The following GCA variants were observed in gnomAD, a reference collection of about 807,000 sequenced individuals.
GCA encodes grancalcin.
GCA carries 30 observed loss-of-function variants against 32.6 expected under a neutral mutation model. That is an observed-to-expected ratio of 0.92 (90% CI 0.69 to 1.25). The LOEUF is 1.25. Among genes scored for constraint, GCA ranks in the 50% most tolerant of loss-of-function variants. GCA has a pLI of 0.00. For missense variants in GCA, 291 were observed against 266.8 expected, an observed-to-expected ratio of 1.09 and a Z score of -0.63; for synonymous variants, 102 against 84.6, an observed-to-expected ratio of 1.21 and a Z score of -1.13.
intron 4 of GCA, chr2:162,371,262 A>G (rs1685933307): frequency 2.9e-6 from 3 of 1,044,416 alleles, no homozygotes; most frequent in Non-Finnish European, 2.6e-6. Flanking sequence ...GGCTTCCTAT[A>G]CTGTCAGAGG....
At chr2:162,350,203 T>C (rs139047477) in intron 2 of GCA, among the ~76,000 whole-genome samples, 1 of 152,198 alleles carries the variant, frequency 6.6e-6, no homozygotes, top group Non-Finnish European at 1.5e-5. Flanking sequence ...AAAGCCTTAC[T>C]GGGAGCAAGC....
chr2:162,321,442 C>A (rs1683661058), intron 1 of GCA, among the ~76,000 whole-genome samples: 1 of 152,008 alleles, frequency 6.6e-6, no homozygotes, highest in Non-Finnish European at 1.5e-5. Flanking sequence ...ATGTCTTTTT[C>A]AAAGAAAATG....
At position 162,321,915 on chromosome 2, in the gene GCA, TATATATATATATATATATAC is replaced by T. The variant is rs1323534092; in HGVS notation, c.-31+2692_-31+2711del. 6.4e-3 allele frequency among the ~76,000 whole-genome samples: 695 copies of T among 108,400 alleles called. 35 individuals carry two copies. Among genetic ancestry groups the T allele is most frequent in the African/African-American group, 0.026 (672 of 25,600 alleles). 71.1% of individuals were successfully genotyped at this position (108,400 alleles called of 152,430 possible). A position where few individuals can be genotyped will look rare whatever the true frequency, so the allele number is the denominator to read the frequency against. On this transcript the variant is annotated intron_variant, in intron 1 of 4. Transcript: ENST00000429691. ...ATATATATATATATATATATATATA[TATATATATATATATATATAC>T]ACACATACATATAAACACTATATAA... is the stretch of plus-strand genomic sequence containing the variant.
At position 162,345,112 on chromosome 2, in the gene GCA, T is replaced by TGGTGGTGGTGGC. The variant is rs1460202996; in HGVS notation, c.27+848_27+849insCGGTGGTGGTGG. On this transcript the variant is annotated intron_variant, in intron 1 of 7. Coordinates refer to ENST00000437150, the MANE Select transcript of GCA (RefSeq NM_012198.5). ...GAGTTCATGGTGGTGGTGGTGGTGGTGGTGGTGGTGGTGGTGGTGGTGGTT... is the reference window on the plus strand; with the variant it reads ...GAGTTCATGGTGGTGGTGGTGGTGGTGGTGGTGGTGGCGGTGGTGGTGGTGGTGGTGGTGGTT... Among the ~76,000 whole-genome samples the TGGTGGTGGTGGC allele has an allele frequency of 2.3e-4, 31 of 133,774 alleles. 1 individual carries two copies. In the South Asian group the frequency reaches 7.9e-3, roughly 34 times the overall value. The allele number at this position is 133,774 out of a possible 152,430, so 87.8% of individuals were successfully genotyped here.
At chr2:162,372,044 G>A (rs756102525), downstream of GCA, 8 of 1,613,108 alleles carry the variant, frequency 5.0e-6, no homozygotes, top group Non-Finnish European at 3.4e-6. Context: ...CCACTTGAAA[G>A]GGATTCTTTG....
chr2:162,356,669 T>C (rs1405257461), intron 4 of GCA, 89 bp from the exon 5 acceptor site: 5 of 1,043,948 alleles, frequency 4.8e-6, no homozygotes, highest in Non-Finnish European at 7.2e-6. Flanking sequence ...TTTGGCTAAG[T>C]CTACAGAAGC....
intron 2 of GCA, among the ~76,000 whole-genome samples, chr2:162,350,234 C>T (rs1416440316): frequency 1.3e-5 from 2 of 152,104 alleles, no homozygotes; most frequent in East Asian, 1.9e-4. Flanking sequence ...GCTGTTTTTG[C>T]CCCTTCATTC....
chr2:162,356,830 A>G lies in GCA; in HGVS notation c.379A>G (p.Asn127Asp), dbSNP rs765921170. The G allele has an allele frequency of 9.3e-6, 15 of 1,610,576 alleles. No individual in the cohort carries two copies. In the South Asian group the frequency reaches 1.6e-4, roughly 18 times the overall value. Residue 127 changes from asparagine (N) to aspartate (D), a missense_variant, in exon 5 of 8, where the codon AAC (asparagine) becomes GAC (aspartate). Physicochemically the swap from Asn to Asp is conservative, Grantham distance 23. Coordinates refer to ENST00000437150, the MANE Select transcript of GCA (RefSeq NM_012198.5). ...LWAALNAWKENFMTVDQDGSG... is the reference protein window; with the variant it reads ...LWAALNAWKEDFMTVDQDGSG... ...GGCAGCTCTTAATGCCTGGAAGGAA[A>G]ACTTCATGACTGTTGATCAAGATGG... is the stretch of plus-strand genomic sequence containing the variant.
At chr2:162,375,301 C>A (rs948026980), downstream of GCA, among the ~76,000 whole-genome samples, 1 of 152,090 alleles carries the variant, frequency 6.6e-6, no homozygotes, top group Admixed American at 6.5e-5. Flanking sequence ...GATTCAAGAT[C>A]CAAAAATGAG....
At chr2:162,338,866 T>C (rs1684355159) in intron 1 of GCA, among the ~76,000 whole-genome samples, 1 of 152,212 alleles carries the variant, frequency 6.6e-6, no homozygotes. Flanking sequence ...AATTGCTTAA[T>C]AGACTTAATA....
chr2:162,348,333 A>C (rs1684815398), intron 2 of GCA, among the ~76,000 whole-genome samples: 1 of 152,124 alleles, frequency 6.6e-6, no homozygotes, highest in African/African-American at 2.4e-5. Flanking sequence ...TTTAAAAAAA[A>C]CTCAGTTAAA....
Position 162,344,274 on chromosome 2 carries a change from G to C in GCA, c.26G>C (p.Gly9Ala). 3 of 1,613,694 alleles carry C rather than the reference G, an allele frequency of 1.9e-6. No homozygotes were observed. Among genetic ancestry groups the C allele is most frequent in the Non-Finnish European group, 1.7e-6 (2 of 1,179,850 alleles). The change falls in exon 1 of 8, where the codon GGG (glycine) becomes GCG (alanine). Residue 9 changes from glycine to alanine, a missense_variant and splice_region_variant. Physicochemically the swap from Gly to Ala is moderately conservative, Grantham distance 60. Transcript: ENST00000437150. ...ATGGCCTACCCGGGATACGGAGGAG[G>C]GGTGAGTCCCAGCCGCTTGGTCGTG... Reference protein sequence around the residue: MAYPGYGGGFGNFSIQVPG... With the variant: MAYPGYGGAFGNFSIQVPG...
Position 162,361,271 on chromosome 2 carries a change from C to T in GCA, c.*1028C>T. 4 of 984,612 alleles carry T rather than the reference C, an allele frequency of 4.1e-6. No homozygotes were observed. The highest frequency in any genetic ancestry group is 3.6e-6 in the Non-Finnish European group (3 of 829,430). The allele number at this position is 984,612 out of a possible 1,614,324, so 61.0% of individuals were successfully genotyped here. A position where few individuals can be genotyped will look rare whatever the true frequency, so the allele number is the denominator to read the frequency against. ...ACCACAGCAACTTTTCTGCGTGGTA[C>T]TAAAACTGCCGAAAATGCGACGTAG... On this transcript the variant is annotated 3_prime_UTR_variant, in exon 8 of 8. Transcript: ENST00000437150.
At chr2:162,365,482 T>C (rs1387191291), downstream of GCA, among the ~76,000 whole-genome samples, 1 of 151,670 alleles carries the variant, frequency 6.6e-6, no homozygotes, top group Non-Finnish European at 1.5e-5. Flanking sequence ...CGTTATGATT[T>C]CATGCTACAT....
chr2:162,332,477 A>G (rs1558886551), intron 1 of GCA, among the ~76,000 whole-genome samples: 2 of 151,432 alleles, frequency 1.3e-5, no homozygotes, highest in African/African-American at 2.4e-5. Context: ...CAAATTACAT[A>G]TGAATTCAAC....
At chr2:162,365,730 A>T (rs1447863498), downstream of GCA, among the ~76,000 whole-genome samples, 2 of 151,690 alleles carry the variant, frequency 1.3e-5, no homozygotes, top group Non-Finnish European at 3.0e-5. Flanking sequence ...TCAGCTAAAA[A>T]GCGTTAATGT....
At chr2:162,344,023 G>T, upstream of GCA, 1 of 593,778 alleles carries the variant, frequency 1.7e-6, no homozygotes, top group Non-Finnish European at 3.0e-6. Context: ...GGGAAGGGGC[G>T]GACTGCAGCT....
chr2:162,355,707 T>G (rs933176637), intron 3 of GCA, among the ~76,000 whole-genome samples: 1 of 151,904 alleles, frequency 6.6e-6, no homozygotes, highest in Admixed American at 6.6e-5. Context: ...CACCCCTGGT[T>G]TTAAGATAGC....
intron 4 of GCA, 97 bp downstream of exon 4, chr2:162,356,578 T>A: frequency 1.1e-6 from 1 of 890,502 alleles, no homozygotes; most frequent in Middle Eastern, 2.2e-4. Context: ...AGTAAACTAG[T>A]GAATTTAAAA....
Sources: gnomAD v4.1 joint callset for allele counts (sites outside exome capture counted in the v4.1 genomes callset) on GRCh38, gnomAD v4.1.1 for gene constraint, MANE v1.5 for transcripts, NCBI Gene and HGNC (gene_info 2026-07-23, HGNC 2026-07-21) for gene names.